The following PDE11A variants were observed in gnomAD, a reference collection of about 807,000 sequenced individuals.
PDE11A encodes the protein phosphodiesterase 11A, also known as dual 3',5'-cyclic-AMP and -GMP phosphodiesterase 11A.
In PDE11A, 100 loss-of-function variants were observed where a neutral mutation model predicts 100.5. The observed-to-expected ratio is 1.00, with a 90% CI of 0.85 to 1.18. PDE11A has a LOEUF of 1.18. Among genes scored for constraint, PDE11A ranks in the 50% most tolerant of loss-of-function variants. PDE11A has a pLI of 0.00. For synonymous variants in PDE11A, 381 were observed against 420.8 expected, an observed-to-expected ratio of 0.91 and a Z score of 1.16; for missense variants, 1,141 against 1,152.6, an observed-to-expected ratio of 0.99 and a Z score of 0.15.
intron 19 of PDE11A, among the ~76,000 whole-genome samples, chr2:177,649,858 A>G (rs1450188840): frequency 6.6e-6 from 1 of 152,198 alleles, no homozygotes. Context: ...ACTATTTAGC[A>G]ATAAAAAATT....
chr2:177,856,685 T>C (rs1257423440), intron 5 of PDE11A, among the ~76,000 whole-genome samples: 1 of 152,054 alleles, frequency 6.6e-6, no homozygotes, highest in Non-Finnish European at 1.5e-5. Flanking sequence ...CCCAACAGCA[T>C]GTTTGAAAAG....
chr2:177,885,185 A>T (rs2084409162), intron 4 of PDE11A, among the ~76,000 whole-genome samples: 1 of 143,548 alleles, frequency 7.0e-6, no homozygotes, highest in African/African-American at 2.6e-5. Flanking sequence ...AAGTAATATG[A>T]TACATTAATG....
chr2:177,798,221 T>C (rs142728016), intron 9 of PDE11A, among the ~76,000 whole-genome samples: 20 of 152,328 alleles, frequency 1.3e-4, no homozygotes, highest in African/African-American at 4.8e-4. Flanking sequence ...AAAGCAGTTA[T>C]GTCTGACTTT....
At chr2:177,766,437 C>T (rs2082240524) in intron 10 of PDE11A, among the ~76,000 whole-genome samples, 1 of 152,146 alleles carries the variant, frequency 6.6e-6, no homozygotes, top group African/African-American at 2.4e-5. Flanking sequence ...ATAACTGATT[C>T]CAGACTTCAA....
chr2:178,041,210 G>T (rs889923629), intron 1 of PDE11A, among the ~76,000 whole-genome samples: 2 of 151,834 alleles, frequency 1.3e-5, no homozygotes, highest in African/African-American at 2.4e-5. Context: ...AAAGTGCTGG[G>T]ATTACAGGTG....
At chr2:177,790,621 A>T (rs2082615469) in intron 9 of PDE11A, among the ~76,000 whole-genome samples, 1 of 152,200 alleles carries the variant, frequency 6.6e-6, no homozygotes. Flanking sequence ...AATGGGAGAA[A>T]ATTTTTGCAA....
At chr2:177,989,866 T>C (rs974095347) in intron 2 of PDE11A, among the ~76,000 whole-genome samples, 2 of 152,160 alleles carry the variant, frequency 1.3e-5, no homozygotes, top group Non-Finnish European at 2.9e-5. Context: ...AAAAAACTCC[T>C]TGAGAATTCC....
chr2:177,677,629 A>G (rs1175142283), intron 16 of PDE11A, among the ~76,000 whole-genome samples: 1 of 152,014 alleles, frequency 6.6e-6, no homozygotes, highest in Non-Finnish European at 1.5e-5. Flanking sequence ...AAGGAAGGAG[A>G]CTCATTGGAG....
chr2:177,987,530 A>C (rs1017344465), intron 2 of PDE11A, among the ~76,000 whole-genome samples: 1 of 152,250 alleles, frequency 6.6e-6, no homozygotes, highest in Non-Finnish European at 1.5e-5. Flanking sequence ...TGTAAATGAA[A>C]GTCTCTACCA....
At chr2:177,744,726 T>C (rs751213125) in intron 10 of PDE11A, among the ~76,000 whole-genome samples, 1 of 152,214 alleles carries the variant, frequency 6.6e-6, no homozygotes, top group East Asian at 1.9e-4. Flanking sequence ...GCAATGATGA[T>C]GTTTACCTGT....
intron 2 of PDE11A, among the ~76,000 whole-genome samples, chr2:177,969,944 T>C (rs977269295): frequency 6.6e-6 from 1 of 152,172 alleles, no homozygotes; most frequent in Admixed American, 6.5e-5. Context: ...AGGAGGGAAG[T>C]TAATAATGAT....
intron 10 of PDE11A, among the ~76,000 whole-genome samples, chr2:177,728,695 C>G (rs2081638967): frequency 6.6e-6 from 1 of 152,148 alleles, no homozygotes; most frequent in Non-Finnish European, 1.5e-5. Context: ...TCAGACAGCA[C>G]ATCTCTGGTG....
chr2:177,759,930 T>C (rs925510730), intron 10 of PDE11A, among the ~76,000 whole-genome samples: 1 of 152,232 alleles, frequency 6.6e-6, no homozygotes, highest in Admixed American at 6.5e-5. Flanking sequence ...TTACCATTCA[T>C]GCTTATTTGA....
intron 5 of PDE11A, among the ~76,000 whole-genome samples, chr2:177,866,121 T>A (rs1017360382): frequency 1.3e-5 from 2 of 152,320 alleles, no homozygotes; most frequent in South Asian, 4.1e-4. Flanking sequence ...ACAAATCAAG[T>A]GATACTTATT....
chr2:177,871,744 T>C (rs958386316), intron 5 of PDE11A, among the ~76,000 whole-genome samples: 1 of 151,728 alleles, frequency 6.6e-6, no homozygotes, highest in East Asian at 1.9e-4. Flanking sequence ...CTTGCAGTCC[T>C]AGCTAATTGG....
rs1431220136 is a variant in PDE11A, at chr2:178,035,612, T to G, written c.913-21152A>C. On this transcript the variant is annotated intron_variant, in intron 1 of 19. Coordinates refer to ENST00000286063, the MANE Select transcript of PDE11A (RefSeq NM_016953.4). ...TCAGGCCAATGTCCCTGAAGAATAT[T>G]GATGTGAAAATCCTCAATAAAATAG... 2.0e-5 allele frequency among the ~76,000 whole-genome samples: 3 copies of G among 152,164 alleles called. No individual in the cohort carries two copies. In the East Asian group the frequency reaches 5.8e-4, roughly 29 times the overall value.
At chr2:177,789,877 A>G (rs1420164467) in intron 9 of PDE11A, among the ~76,000 whole-genome samples, 1 of 152,134 alleles carries the variant, frequency 6.6e-6, no homozygotes, top group Admixed American at 6.5e-5. Flanking sequence ...CCACTGCTCA[A>G]TGAAATAAAA....
intron 18 of PDE11A, among the ~76,000 whole-genome samples, chr2:177,664,813 T>C (rs1375771617): frequency 2.6e-5 from 4 of 152,140 alleles, no homozygotes; most frequent in Non-Finnish European, 4.4e-5. Context: ...CCTCCCTTAA[T>C]GTTATATAGT....
chr2:177,789,720 T>C (rs986694322), intron 9 of PDE11A, among the ~76,000 whole-genome samples: 2 of 152,072 alleles, frequency 1.3e-5, no homozygotes, highest in Non-Finnish European at 2.9e-5. Flanking sequence ...TGTACAAAAA[T>C]CACAAGCATT....
Sources: gnomAD v4.1 joint callset for allele counts (sites outside exome capture counted in the v4.1 genomes callset) on GRCh38, gnomAD v4.1.1 for gene constraint, MANE v1.5 for transcripts, NCBI Gene and HGNC (gene_info 2026-07-23, HGNC 2026-07-21) for gene names.